POLR2B: variants seen among roughly 807,000 people sequenced by gnomAD.
POLR2B encodes DNA-directed RNA polymerase II subunit RPB2.
In POLR2B, 57 loss-of-function variants were observed where a neutral mutation model predicts 144.6. That is an observed-to-expected ratio of 0.39 (90% CI 0.32 to 0.49). The LOEUF is 0.49. Ranked by LOEUF, POLR2B falls within the 20% of genes least tolerant of loss-of-function variation. The pLI, the probability that POLR2B is intolerant of heterozygous loss-of-function variation, is 0.83. For synonymous variants in POLR2B, 442 were observed against 469.8 expected (o/e 0.94, Z 0.77); for missense variants, 595 against 1,467.4 (o/e 0.41, Z 9.71).
chr4:57,014,149 T>C (rs1448807522), intron 13 of POLR2B, among the ~76,000 whole-genome samples: 1 of 152,206 alleles, frequency 6.6e-6, no homozygotes, highest in Non-Finnish European at 1.5e-5. Flanking sequence ...TTGGAACATT[T>C]TTCTCTTTCT....
intron 17 of POLR2B, among the ~76,000 whole-genome samples, chr4:57,021,941 G>A (rs187079638): frequency 2.6e-5 from 4 of 152,260 alleles, no homozygotes; most frequent in Non-Finnish European, 5.9e-5. Context: ...TATAATACTA[G>A]GTGGTTAAGG....
At chr4:57,014,267 T>C (rs1723292624) in intron 13 of POLR2B, among the ~76,000 whole-genome samples, 1 of 152,110 alleles carries the variant, frequency 6.6e-6, no homozygotes, top group African/African-American at 2.4e-5. Context: ...TGATCTTGGC[T>C]CACTGCAACC....
At chr4:56,994,136 G>C (rs1390302798) in intron 3 of POLR2B, among the ~76,000 whole-genome samples, 1 of 152,042 alleles carries the variant, frequency 6.6e-6, no homozygotes, top group Admixed American at 6.6e-5. Flanking sequence ...CTTAAACCTT[G>C]TTACAAACCT....
chr4:56,998,278 A>G (rs1722751484), intron 6 of POLR2B, among the ~76,000 whole-genome samples: 1 of 151,766 alleles, frequency 6.6e-6, no homozygotes, highest in African/African-American at 2.4e-5. Flanking sequence ...GCTCACTGCA[A>G]CATCTGCCTC....
At chr4:56,988,084 A>G (rs1301495008) in intron 2 of POLR2B, among the ~76,000 whole-genome samples, 2 of 151,916 alleles carry the variant, frequency 1.3e-5, no homozygotes, top group Admixed American at 6.6e-5. Flanking sequence ...TAAAAAATAT[A>G]TATTGAGTTT....
At position 57,023,965 on chromosome 4, in the gene POLR2B, A is replaced by T. The variant is rs1211409709; in HGVS notation, c.2857-40A>T. The T allele has an allele frequency of 1.8e-6, 2 of 1,101,296 alleles. No individual in the cohort carries two copies. The highest frequency in any genetic ancestry group is 2.7e-6 in the Non-Finnish European group (2 of 748,070). The allele number at this position is 1,101,296 out of a possible 1,614,324, so 68.2% of individuals were successfully genotyped here. On this transcript the variant is annotated intron_variant, in intron 20 of 24. Coordinates refer to ENST00000314595, the MANE Select transcript of POLR2B (RefSeq NM_000938.3). The surrounding 1 kb of genome is among the most constrained non-coding windows in gnomAD (Gnocchi z 4.3). ...ACTGAAATGTCAGTTCTAGTTTAGT[A>T]TATGTATCTTTGAGTCCCTTTTAAA...
At chr4:57,020,331 C>T (rs1033835158) in intron 16 of POLR2B, among the ~76,000 whole-genome samples, 1 of 152,150 alleles carries the variant, frequency 6.6e-6, no homozygotes, top group Non-Finnish European at 1.5e-5. Context: ...CATGCCCGAC[C>T]TAAATATCAA....
At chr4:56,989,149 T>C (rs938636116) in intron 2 of POLR2B, among the ~76,000 whole-genome samples, 1 of 152,132 alleles carries the variant, frequency 6.6e-6, no homozygotes, top group African/African-American at 2.4e-5. Context: ...AAATATGAAA[T>C]ATTTATATAG....
intron 6 of POLR2B, among the ~76,000 whole-genome samples, chr4:56,996,924 A>AAAC (rs1162428647): frequency 6.6e-6 from 1 of 151,936 alleles, no homozygotes; most frequent in South Asian, 2.1e-4. Context: ...TTCTCTAGCA[A>AAAC]AACAACAACA....
Position 57,030,998 on chromosome 4 carries a change from A to C in POLR2B, c.*10A>C. On this transcript the variant is annotated 3_prime_UTR_variant, in exon 25 of 25. Coordinates refer to ENST00000314595, the MANE Select transcript of POLR2B (RefSeq NM_000938.3). ...AATGATGAGTGTTTAGCTATTTTACAGGAGTCAACAAGATAATTAAATATC... is the reference window on the plus strand; with the variant it reads ...AATGATGAGTGTTTAGCTATTTTACCGGAGTCAACAAGATAATTAAATATC... The C allele has an allele frequency of 6.8e-7, 1 of 1,475,144 alleles. No individual in the cohort carries two copies. The highest frequency in any genetic ancestry group is 1.1e-5 in the South Asian group (1 of 88,246). The allele number at this position is 1,475,144 out of a possible 1,614,324, so 91.4% of individuals were successfully genotyped here.
At position 56,985,440 on chromosome 4, in the gene POLR2B, G is replaced by A. The variant is rs529954010; in HGVS notation, c.20-914G>A. On this transcript the variant is annotated intron_variant, in intron 1 of 24. Coordinates refer to ENST00000314595, the MANE Select transcript of POLR2B (RefSeq NM_000938.3). ...ACTCCCCCCCGCCGCCCCGTGGGGC[G>A]GCCCCGACTTTCGGGCGGTGAGTGA... The A allele has an allele frequency of 1.5e-4, 145 of 985,350 alleles. No homozygotes were observed. The African/African-American group carries it at 2.3e-3, about 15-fold the overall frequency. The allele number at this position is 985,350 out of a possible 1,614,324, so 61.0% of individuals were successfully genotyped here.
intron 3 of POLR2B, among the ~76,000 whole-genome samples, chr4:56,992,385 A>T (rs1479026511): frequency 7.4e-6 from 1 of 135,886 alleles, no homozygotes; most frequent in East Asian, 2.4e-4. Flanking sequence ...GAATTGCTTG[A>T]ACGTGGGAGA....
At chr4:57,005,161 G>T in intron 7 of POLR2B, 85 bp from the exon 8 acceptor site, 1 of 696,302 alleles carries the variant, frequency 1.4e-6, no homozygotes, top group Non-Finnish European at 2.3e-6. Flanking sequence ...GGGGTACTTG[G>T]CATGTTATAA....
intron 14 of POLR2B, among the ~76,000 whole-genome samples, chr4:57,016,668 AT>A (rs1723377131): frequency 6.6e-6 from 1 of 150,646 alleles, no homozygotes; most frequent in Non-Finnish European, 1.5e-5. Flanking sequence ...TGCTTTAAAT[AT>A]TTATTTTTTA....
At position 57,020,882 on chromosome 4, in the gene POLR2B, T is replaced by A. The variant is rs926032123; in HGVS notation, c.2324-17T>A. Reference sequence around the variant, plus strand: ...TTCCAGGTGATGTTTTAATGTATGCTCTTAAATTCACTGCAGGCATCAACT... The same window carrying A: ...TTCCAGGTGATGTTTTAATGTATGCACTTAAATTCACTGCAGGCATCAACT... On this transcript the variant is annotated splice_polypyrimidine_tract_variant and intron_variant, in intron 16 of 24. Coordinates refer to ENST00000314595, the MANE Select transcript of POLR2B (RefSeq NM_000938.3). The A allele has an allele frequency of 1.5e-5, 21 of 1,363,266 alleles. No homozygotes were observed. The highest frequency in any genetic ancestry group is 1.9e-5 in the Non-Finnish European group (18 of 951,176). The allele number at this position is 1,363,266 out of a possible 1,614,324, so 84.4% of individuals were successfully genotyped here. A position where few individuals can be genotyped will look rare whatever the true frequency, so the allele number is the denominator to read the frequency against.
intron 1 of POLR2B, among the ~76,000 whole-genome samples, chr4:56,984,355 G>A (rs537746164): frequency 1.8e-4 from 27 of 149,726 alleles, no homozygotes; most frequent in African/African-American, 6.2e-4. Flanking sequence ...ATTTTAAAAC[G>A]TTTATTTTAT....
chr4:57,008,115 G>T (rs1235973694), intron 10 of POLR2B, among the ~76,000 whole-genome samples: 1 of 152,132 alleles, frequency 6.6e-6, no homozygotes, highest in Admixed American at 6.6e-5. Context: ...TCAGCATCTA[G>T]CAGAGGAAAC....
chr4:57,004,434 C>A (rs1228091162), intron 7 of POLR2B, among the ~76,000 whole-genome samples: 2 of 147,154 alleles, frequency 1.4e-5, no homozygotes, highest in Admixed American at 1.4e-4. Flanking sequence ...TTCTCACTTT[C>A]TTTCCCTGGG....
In POLR2B at chr4:57,017,115, A is replaced by C; in HGVS notation, c.2028A>C (p.Ala676=). 1.9e-6 allele frequency: 3 copies of C among 1,612,700 alleles called. No individual in the cohort carries two copies. Among genetic ancestry groups the C allele is most frequent in the Non-Finnish European group, 2.5e-6 (3 of 1,179,108 alleles). The change falls in exon 15 of 25, where the codon GCA becomes GCC. Residue 676 remains alanine, a synonymous_variant. Coordinates refer to ENST00000314595, the MANE Select transcript of POLR2B (RefSeq NM_000938.3). The surrounding 1 kb of genome is among the most constrained non-coding windows in gnomAD (Gnocchi z 4.8). The part of the protein sequence containing the change: ...DTLEEETVML[A]MTPDDLQEKE... ...TGGAAGAAGAAACAGTGATGCTTGC[A>C]ATGACTCCAGATGATTTACAGGAGA...
Sources: gnomAD v4.1 joint callset for allele counts (sites outside exome capture counted in the v4.1 genomes callset) on GRCh38, gnomAD v4.1.1 for gene constraint, Gnocchi (gnomAD v3.1) non-coding constraint, MANE v1.5 for transcripts, NCBI Gene and HGNC (gene_info 2026-07-23, HGNC 2026-07-21) for gene names.